MAGI2: variants seen among roughly 807,000 people sequenced by gnomAD.
MAGI2 encodes membrane associated guanylate kinase, WW and PDZ domain containing 2.
MAGI2 carries 35 observed loss-of-function variants against 133.3 expected under a neutral mutation model. The observed-to-expected ratio is 0.26, with a 90% CI of 0.20 to 0.35. The LOEUF (loss-of-function observed/expected upper bound fraction) is 0.35. Ranked by LOEUF, MAGI2 falls within the 10% of genes least tolerant of loss-of-function variation. The pLI is 1.00. For synonymous variants in MAGI2, 729 were observed against 710.6 expected (o/e 1.03, Z -0.41); for missense variants, 1,636 against 1,863.4 (o/e 0.88, Z 2.25).
intron 1 of MAGI2, among the ~76,000 whole-genome samples, chr7:79,151,826 G>C (rs1823274779): frequency 6.6e-6 from 1 of 152,060 alleles, no homozygotes; most frequent in African/African-American, 2.4e-5. Flanking sequence ...ACTTCAGCTG[G>C]AAAAAACCTC....
chr7:79,017,193 C>T (rs1354021354), intron 1 of MAGI2, among the ~76,000 whole-genome samples: 1 of 152,232 alleles, frequency 6.6e-6, no homozygotes, highest in Non-Finnish European at 1.5e-5. Flanking sequence ...TCAGAGAGTT[C>T]TAGCCAGCTG....
At chr7:78,780,556 A>T (rs1826315057) in intron 2 of MAGI2, among the ~76,000 whole-genome samples, 1 of 152,170 alleles carries the variant, frequency 6.6e-6, no homozygotes, top group Admixed American at 6.5e-5. Context: ...AACTCTCAAT[A>T]ATCCCAGCAA....
At chr7:78,712,077 C>G (rs1819251432) in intron 2 of MAGI2, among the ~76,000 whole-genome samples, 1 of 151,960 alleles carries the variant, frequency 6.6e-6, no homozygotes, top group Admixed American at 6.6e-5. Context: ...CTGGCAATGT[C>G]AACAAAAATA....
chr7:78,064,328 TTGTGTG>T lies in MAGI2; in HGVS notation c.3706+14613_3706+14618del, dbSNP rs3840609. Among the ~76,000 whole-genome samples, 160 of 148,602 alleles carry T rather than the reference TTGTGTG, an allele frequency of 1.1e-3. 1 individual carries two copies. The highest frequency in any genetic ancestry group is 0.01 in the Middle Eastern group (3 of 286). ...GCTTCAAGGAATGACTGTGATGGTT[TTGTGTG>T]TGTGTGTGTGTGTGTGTGTGTGTAT... On this transcript the variant is annotated intron_variant, in intron 21 of 21. Coordinates refer to ENST00000354212, the MANE Select transcript of MAGI2 (RefSeq NM_012301.4).
At chr7:78,052,924 G>A (rs1483361539) in intron 21 of MAGI2, among the ~76,000 whole-genome samples, 2 of 152,080 alleles carry the variant, frequency 1.3e-5, no homozygotes, top group African/African-American at 2.4e-5. Flanking sequence ...ATCCCAATAG[G>A]AGACTGCTTA....
intron 3 of MAGI2, among the ~76,000 whole-genome samples, chr7:78,577,675 C>T (rs1802408964): frequency 7.0e-6 from 1 of 141,994 alleles, no homozygotes; most frequent in South Asian, 2.3e-4. Context: ...CGGGGGGTCA[C>T]AAGGTACTCA....
chr7:78,351,636 A>G (rs1791524285), intron 7 of MAGI2: 1 of 151,930 alleles, frequency 6.6e-6, no homozygotes, highest in Non-Finnish European at 1.5e-5. Flanking sequence ...CCCAATTCCA[A>G]TTCCCCATCT....
chr7:78,739,516 C>T (rs938827542), intron 2 of MAGI2, among the ~76,000 whole-genome samples: 1 of 152,094 alleles, frequency 6.6e-6, no homozygotes, highest in Non-Finnish European at 1.5e-5. Context: ...GATAGATCAA[C>T]AGAGAAGTCA....
rs535836446 is a variant in MAGI2 at position 79,262,666 on chromosome 7, G to A, written c.301+190354C>T. ...CATTACAAAGTGAGTTGCTAGACCC[G>A]GGTAGGATACGTAAAGGATATGACT... On this transcript the variant is annotated intron_variant, in intron 1 of 21. Transcript: ENST00000354212. 5.9e-5 allele frequency among the ~76,000 whole-genome samples: 9 copies of A among 152,268 alleles called. No homozygotes were observed. The East Asian group carries it at 1.2e-3, about 20-fold the overall frequency.
At chr7:78,026,630 AG>A (rs1808944641) in intron 21 of MAGI2, among the ~76,000 whole-genome samples, 1 of 149,260 alleles carries the variant, frequency 6.7e-6, no homozygotes, top group Non-Finnish European at 1.5e-5. Flanking sequence ...AACCCTTAGA[AG>A]GGAGCCAGAG....
intron 6 of MAGI2, chr7:78,486,762 T>G: frequency 2.4e-6 from 1 of 420,268 alleles, no homozygotes; most frequent in South Asian, 1.9e-5. Context: ...TCCTGCAATG[T>G]GAGTTTGACG....
intron 2 of MAGI2, among the ~76,000 whole-genome samples, chr7:78,752,375 G>T (rs1371257887): frequency 6.6e-6 from 1 of 152,164 alleles, no homozygotes; most frequent in Non-Finnish European, 1.5e-5. Flanking sequence ...GGCCGAGGTA[G>T]GTGGATCACC....
At chr7:79,363,403 T>C (rs117048842) in intron 1 of MAGI2, among the ~76,000 whole-genome samples, 1,561 of 148,792 alleles carry the variant, frequency 0.01, 11 homozygotes, top group Non-Finnish European at 0.014. Flanking sequence ...AGTAAGAATA[T>C]ATATTCTCCC....
chr7:78,952,268 A>G (rs1801932430), intron 2 of MAGI2, among the ~76,000 whole-genome samples: 1 of 152,168 alleles, frequency 6.6e-6, no homozygotes, highest in African/African-American at 2.4e-5. Context: ...CCATTTGTGT[A>G]TATTTTCCAA....
At chr7:79,346,682 T>C (rs1257397629) in intron 1 of MAGI2, among the ~76,000 whole-genome samples, 1 of 151,966 alleles carries the variant, frequency 6.6e-6, no homozygotes, top group Non-Finnish European at 1.5e-5. Context: ...CTGAACCCTC[T>C]ATACTCCTGG....
chr7:78,237,449 T>C (rs1790670316), intron 10 of MAGI2, among the ~76,000 whole-genome samples: 1 of 152,140 alleles, frequency 6.6e-6, no homozygotes, highest in Non-Finnish European at 1.5e-5. Flanking sequence ...ATTTTTATGG[T>C]ATTTGAGCTT....
intron 2 of MAGI2, among the ~76,000 whole-genome samples, chr7:78,971,998 T>A (rs1803830479): frequency 1.3e-5 from 2 of 151,962 alleles, no homozygotes. Flanking sequence ...TGTTTGCCTT[T>A]CATACATCAC....
chr7:78,402,561 T>C (rs1236826152), intron 6 of MAGI2, among the ~76,000 whole-genome samples: 1 of 152,200 alleles, frequency 6.6e-6, no homozygotes, highest in Non-Finnish European at 1.5e-5. Context: ...TTATTCCCAA[T>C]GGTGTTACAA....
chr7:78,224,450 GAGGTC>G (rs1789151629), intron 10 of MAGI2, among the ~76,000 whole-genome samples: 2 of 152,064 alleles, frequency 1.3e-5, no homozygotes, highest in South Asian at 2.1e-4. Flanking sequence ...CAGATCACTT[GAGGTC>G]AGGAGTTTGA....
Sources: gnomAD v4.1 joint callset for allele counts (sites outside exome capture counted in the v4.1 genomes callset) on GRCh38, gnomAD v4.1.1 for gene constraint, MANE v1.5 for transcripts, NCBI Gene and HGNC (gene_info 2026-07-23, HGNC 2026-07-21) for gene names.